The following CLNK variants were observed in gnomAD, a reference collection of about 807,000 sequenced individuals.
The protein encoded by CLNK is cytokine-dependent hematopoietic cell linker.
CLNK carries 74 observed loss-of-function variants against 68.6 expected under a neutral mutation model. The ratio of observed to expected loss-of-function variants is 1.08; its 90% CI spans 0.89 to 1.31. The LOEUF (loss-of-function observed/expected upper bound fraction) is 1.31, where lower values mean the gene tolerates loss of function less well. Ranked by LOEUF, CLNK falls within the 50% of genes most tolerant of loss-of-function variation. The pLI is 0.00. For synonymous variants in CLNK, 198 were observed against 172.2 expected, an observed-to-expected ratio of 1.15 and a Z score of -1.17; for missense variants, 553 against 515.3, an observed-to-expected ratio of 1.07 and a Z score of -0.71.
intron 3 of CLNK, among the ~76,000 whole-genome samples, chr4:10,597,348 G>A (rs1461298972): frequency 6.6e-6 from 1 of 152,172 alleles, no homozygotes; most frequent in Admixed American, 6.5e-5. Flanking sequence ...GGGCAGCCCT[G>A]GGCAGTGTAG....
At chr4:10,543,627 T>C (rs892788054) in intron 8 of CLNK, among the ~76,000 whole-genome samples, 20 of 152,188 alleles carry the variant, frequency 1.3e-4, no homozygotes, top group Non-Finnish European at 2.6e-4. Context: ...AGATTCCCCT[T>C]GGTGAAAGGT....
chr4:10,724,600 C>T, the CLNK span, among the ~76,000 whole-genome samples: 1 of 151,746 alleles, frequency 6.6e-6, no homozygotes, highest in East Asian at 1.9e-4. Context: ...CTGTATGTGT[C>T]CAAGGTCGTG....
chr4:10,689,376 C>T (rs1428147259), upstream of CLNK, among the ~76,000 whole-genome samples: 1 of 152,154 alleles, frequency 6.6e-6, no homozygotes, highest in Non-Finnish European at 1.5e-5. Context: ...CTCAAGCAAT[C>T]CTCCCATTTA....
At chr4:10,731,401 C>A in the CLNK span, among the ~76,000 whole-genome samples, 1 of 152,144 alleles carries the variant, frequency 6.6e-6, no homozygotes, top group African/African-American at 2.4e-5. Context: ...ACCGGGCTAC[C>A]CATTCCTCTC....
the CLNK span, among the ~76,000 whole-genome samples, chr4:10,722,864 G>A: frequency 6.6e-6 from 1 of 152,106 alleles, no homozygotes. Flanking sequence ...AGCCTGGCCA[G>A]CATGGCAAAA....
the CLNK span, among the ~76,000 whole-genome samples, chr4:10,707,627 A>C: frequency 6.6e-6 from 1 of 152,196 alleles, no homozygotes; most frequent in Admixed American, 6.5e-5. Context: ...CCTTTGGCAT[A>C]CTTTCTCAAG....
At chr4:10,660,129 C>T (rs978424155) in intron 2 of CLNK, among the ~76,000 whole-genome samples, 1 of 152,232 alleles carries the variant, frequency 6.6e-6, no homozygotes, top group African/African-American at 2.4e-5. Context: ...GTTCTCCAAA[C>T]ACTGGTTTAG....
At chr4:10,552,597 G>A (rs1719505629) in intron 8 of CLNK, among the ~76,000 whole-genome samples, 1 of 152,024 alleles carries the variant, frequency 6.6e-6, no homozygotes, top group African/African-American at 2.4e-5. Context: ...TCTGCTTGAA[G>A]ACAGCTTCAA....
chr4:10,689,836 AC>A, the CLNK span, among the ~76,000 whole-genome samples: 1 of 143,368 alleles, frequency 7.0e-6, no homozygotes, highest in African/African-American at 2.6e-5. Context: ...GCACCTGTTT[AC>A]ATTGGTGCCT....
chr4:10,586,336 C>CTTTTTTTTTTTT (rs5856064), intron 3 of CLNK, among the ~76,000 whole-genome samples: 2 of 89,268 alleles, frequency 2.2e-5, no homozygotes, highest in Non-Finnish European at 4.7e-5. Flanking sequence ...CTTTTTTTTT[C>CTTTTTTTTTTTT]TTTTTTTTTT....
intron 13 of CLNK, 32 bp from the exon 14 acceptor site, chr4:10,525,954 T>C: frequency 7.4e-7 from 1 of 1,356,034 alleles, no homozygotes; most frequent in Non-Finnish European, 1.0e-6. Context: ...TTTGGTCAGG[T>C]TGCAAAAGAA....
At chr4:10,664,654 A>T (rs1345048880) in intron 2 of CLNK, among the ~76,000 whole-genome samples, 1 of 152,226 alleles carries the variant, frequency 6.6e-6, no homozygotes, top group African/African-American at 2.4e-5. Context: ...ATTCCGACTC[A>T]GCATGCCTGG....
intron 17 of CLNK, among the ~76,000 whole-genome samples, chr4:10,505,865 G>T (rs1717268952): frequency 6.6e-6 from 1 of 152,076 alleles, no homozygotes; most frequent in Non-Finnish European, 1.5e-5. Flanking sequence ...GAACATCTTT[G>T]GGGGGGCATG....
intron 2 of CLNK, among the ~76,000 whole-genome samples, chr4:10,644,930 G>A (rs1006171694): frequency 6.6e-5 from 10 of 152,262 alleles, no homozygotes; most frequent in South Asian, 2.1e-4. Flanking sequence ...TGAAAAGGGC[G>A]TTTATGCCAA....
intron 2 of CLNK, among the ~76,000 whole-genome samples, chr4:10,667,333 T>A (rs1724436811): frequency 6.6e-6 from 1 of 152,106 alleles, no homozygotes; most frequent in Admixed American, 6.5e-5. Flanking sequence ...AAGTCTTTTT[T>A]TTTCACTATA....
chr4:10,689,137 CTT>C (rs1182260603), upstream of CLNK, among the ~76,000 whole-genome samples: 1 of 146,626 alleles, frequency 6.8e-6, no homozygotes. Flanking sequence ...TTCTTTCTTT[CTT>C]TTTTTTTTTC....
Position 10,545,010 on chromosome 4 carries a change from A to ACAAT in CLNK, c.446-2734_446-2731dup, listed in dbSNP as rs1719171539. On this transcript the variant is annotated intron_variant, in intron 8 of 18. Transcript: ENST00000226951. ...TTTATGAGGACAGAGTCCTCATCATACAATCACCTCTTAAAGGTCTCACCT... is the reference window on the plus strand; with the variant it reads ...TTTATGAGGACAGAGTCCTCATCATACAATCAATCACCTCTTAAAGGTCTCACCT... Among the ~76,000 whole-genome samples, 13 of 152,242 alleles carry ACAAT rather than the reference A, an allele frequency of 8.5e-5. No homozygotes were observed. In the South Asian group the frequency reaches 2.7e-3, roughly 32 times the overall value.
chr4:10,560,064 T>C (rs1719827500), intron 7 of CLNK, among the ~76,000 whole-genome samples: 1 of 152,178 alleles, frequency 6.6e-6, no homozygotes, highest in Non-Finnish European at 1.5e-5. Flanking sequence ...CAATGAAACA[T>C]GTGCCAGTTG....
the CLNK span, among the ~76,000 whole-genome samples, chr4:10,695,067 A>C: frequency 1.3e-5 from 2 of 152,186 alleles, no homozygotes; most frequent in Non-Finnish European, 2.9e-5. Context: ...GGAGATATTG[A>C]TCACAGGATA....
Sources: gnomAD v4.1 joint callset for allele counts (sites outside exome capture counted in the v4.1 genomes callset) on GRCh38, gnomAD v4.1.1 for gene constraint, MANE v1.5 for transcripts, NCBI Gene and HGNC (gene_info 2026-07-23, HGNC 2026-07-21) for gene names.